Variants in CSRNP2 observed in about 807,000 individuals in gnomAD.
CSRNP2 encodes cysteine and serine rich nuclear protein 2.
A neutral mutation model predicts 36.6 loss-of-function variants in CSRNP2; 11 were observed. That is an observed-to-expected ratio of 0.30 (90% CI 0.19 to 0.50). CSRNP2 has a LOEUF of 0.50. CSRNP2 is among the 20% of genes least tolerant of loss of function. CSRNP2 has a pLI of 0.98. For missense variants in CSRNP2, 483 were observed against 691.4 expected, an observed-to-expected ratio of 0.70 and a Z score of 3.38; for synonymous variants, 248 against 275.3, an observed-to-expected ratio of 0.90 and a Z score of 0.98.
intron 1 of CSRNP2, among the ~76,000 whole-genome samples, chr12:51,077,291 A>G (rs961039932): frequency 3.9e-5 from 6 of 152,156 alleles, no homozygotes; most frequent in Non-Finnish European, 8.8e-5. Context: ...GGCATTTCCC[A>G]AAGTGCGTGT....
At chr12:51,074,937 T>A (rs148657634) in intron 2 of CSRNP2, among the ~76,000 whole-genome samples, 21,740 of 151,638 alleles carry the variant, frequency 0.14, 2,069 homozygotes, top group East Asian at 0.53. Context: ...TGGTGGCACA[T>A]GCCTGTAGTC....
At chr12:51,069,017 C>T (rs1440217975) in intron 3 of CSRNP2, among the ~76,000 whole-genome samples, 1 of 152,144 alleles carries the variant, frequency 6.6e-6, no homozygotes, top group Non-Finnish European at 1.5e-5. Context: ...GCTCTGTCGC[C>T]CAGGCTGGAG....
intron 4 of CSRNP2, among the ~76,000 whole-genome samples, chr12:51,065,041 C>T (rs1315559354): frequency 6.6e-6 from 1 of 152,132 alleles, no homozygotes; most frequent in Non-Finnish European, 1.5e-5. Context: ...ATTTACGAGC[C>T]TCAGAGACTT....
chr12:51,067,800 C>G lies in CSRNP2; in HGVS notation c.581G>C (p.Arg194Pro). The change falls in exon 4 of 5, where the codon CGT becomes CCT. Residue 194 changes from arginine (R) to proline (P), a missense_variant. Transcript: ENST00000228515. The surrounding 1 kb of genome is among the most constrained non-coding windows in gnomAD (Gnocchi z 4.1). ...TTCTTGCTTCTCTTCAGCATCAATA[C>G]GGTGGACCCCAGAAGCCCTCAGCAG... ...RALLRASGVH[R>P]IDAEEKQELR... 1 of 1,614,228 alleles carries G rather than the reference C, an allele frequency of 6.2e-7. No individual in the cohort carries two copies. The highest frequency in any genetic ancestry group is 8.5e-7 in the Non-Finnish European group (1 of 1,180,028).
At position 51,067,470 on chromosome 12, in the gene CSRNP2, T is replaced by A. The variant is rs1938519424; in HGVS notation, c.708+203A>T. The stretch of plus-strand genomic sequence containing the variant: ...GATCCTCCTACCTCAGCCTCCCACA[T>A]AGCTAGGATTAGAGGTGTGAGCCAC... On this transcript the variant is annotated intron_variant, in intron 4 of 4. Coordinates refer to ENST00000228515, the MANE Select transcript of CSRNP2 (RefSeq NM_030809.3). This position sits in a 1 kb window ranked among gnomAD's most constrained non-coding sequence, Gnocchi z 4.1. 6.6e-6 allele frequency among the ~76,000 whole-genome samples: 1 copy of A among 151,512 alleles called. No homozygotes were observed. The highest frequency in any genetic ancestry group is 1.5e-5 in the Non-Finnish European group (1 of 67,824).
At position 51,064,369 on chromosome 12, in the gene CSRNP2, T is replaced by G. The variant is rs1276448689; in HGVS notation, c.1009A>C (p.Lys337Gln). 2 of 1,614,106 alleles carry G rather than the reference T, an allele frequency of 1.2e-6. No individual in the cohort carries two copies. The highest frequency in any genetic ancestry group is 8.5e-7 in the Non-Finnish European group (1 of 1,180,050). The change falls in exon 5 of 5, where the codon AAG becomes CAG. Residue 337 changes from lysine (K) to glutamine (Q), a missense_variant. Physicochemically the swap from Lys to Gln is moderately conservative, Grantham distance 53 (BLOSUM62 1). This residue lies in a region of CSRNP2 where 277 missense variants were observed against 323.6 expected (regional missense o/e 0.86). Transcript: ENST00000228515. Reference protein sequence around the residue: ...LQSAEELERLKAEEDSSGSSA... With the variant: ...LQSAEELERLQAEEDSSGSSA... ...GAGCCGCTGGAATCTTCTTCTGCCT[T>G]GAGCCGCTCCAGTTCCTCTGCACTC...
chr12:51,069,766 C>G (rs1462128332), intron 3 of CSRNP2, among the ~76,000 whole-genome samples: 2 of 150,276 alleles, frequency 1.3e-5, no homozygotes, highest in Admixed American at 1.3e-4. Flanking sequence ...AATCTCGGCT[C>G]ACTGCAAGCT....
chr12:51,069,762 G>C (rs1471537078), intron 3 of CSRNP2, among the ~76,000 whole-genome samples: 1 of 147,758 alleles, frequency 6.8e-6, no homozygotes, highest in Non-Finnish European at 1.5e-5. Flanking sequence ...CTGCAATCTC[G>C]GCTCACTGCA....
In CSRNP2 at chr12:51,063,484, C is replaced by T. The variant is rs944048463; in HGVS notation, c.*262G>A. 21 of 259,600 alleles carry T rather than the reference C, an allele frequency of 8.1e-5. No homozygotes were observed. The highest frequency in any genetic ancestry group is 4.4e-4 in the African/African-American group (20 of 45,222). The allele number at this position is 259,600 out of a possible 1,614,324, so 16.1% of individuals were successfully genotyped here. A position where few individuals can be genotyped will look rare whatever the true frequency, so the allele number is the denominator to read the frequency against. ...CCTGTGAGATCCTAGTTCTTTGTTC[C>T]AGTGGCCCAGAAAGCTTAATGTTCA... is the stretch of plus-strand genomic sequence containing the variant. On this transcript the variant is annotated 3_prime_UTR_variant, in exon 5 of 5. Transcript: ENST00000228515.
At chr12:51,079,769 C>CAA (rs35767986) in intron 1 of CSRNP2, among the ~76,000 whole-genome samples, 13,028 of 35,274 alleles carry the variant, frequency 0.37, 3,830 homozygotes, top group Non-Finnish European at 0.45. Context: ...GAGACCTTGT[C>CAA]AAAAAAAAAA....
intron 1 of CSRNP2, among the ~76,000 whole-genome samples, chr12:51,080,148 GC>G (rs1939583168): frequency 2.2e-4 from 1 of 4,486 alleles, no homozygotes; most frequent in African/African-American, 3.1e-4. Flanking sequence ...AGGCAGGCAG[GC>G]AGGCAGGCAG....
chr12:51,068,362 G>C (rs12824225), intron 3 of CSRNP2, among the ~76,000 whole-genome samples: 23,210 of 152,066 alleles, frequency 0.15, 2,091 homozygotes, highest in South Asian at 0.26. Flanking sequence ...GTGTTGGCCA[G>C]GCTAGTCTTG....
At chr12:51,071,880 G>A (rs1302006265) in intron 3 of CSRNP2, among the ~76,000 whole-genome samples, 1 of 152,212 alleles carries the variant, frequency 6.6e-6, no homozygotes, top group Non-Finnish European at 1.5e-5. Context: ...CAGCTGGAAG[G>A]TGACAGGGTC....
chr12:51,080,454 C>G (rs1036757075), intron 1 of CSRNP2, among the ~76,000 whole-genome samples: 8 of 152,140 alleles, frequency 5.3e-5, no homozygotes, highest in Admixed American at 5.2e-4. Context: ...TTCTATTCTC[C>G]TCTTTTTCTG....
chr12:51,079,968 G>A (rs537717746), intron 1 of CSRNP2, among the ~76,000 whole-genome samples: 2 of 150,444 alleles, frequency 1.3e-5, no homozygotes, highest in East Asian at 3.9e-4. Context: ...AGCTACTCAG[G>A]AGGCTGAGGC....
chr12:51,064,409 T>C lies in CSRNP2; in HGVS notation c.969A>G (p.Ala323=). The C allele has an allele frequency of 6.2e-7, 1 of 1,613,792 alleles. No homozygotes were observed. The highest frequency in any genetic ancestry group is 8.5e-7 in the Non-Finnish European group (1 of 1,179,786). ...FQEFIAENET[A]VMHLQSAEEL... is the part of the protein sequence containing the mutation. ...CCTCTGCACTCTGCAGGTGCATCAC[T>C]GCTGTCTCATTCTCAGCAATGAACT... is the stretch of plus-strand genomic sequence containing the variant. The change falls in exon 5 of 5, where the codon GCA becomes GCG. Residue 323 remains alanine, a synonymous_variant. Coordinates refer to ENST00000228515, the MANE Select transcript of CSRNP2 (RefSeq NM_030809.3).
At chr12:51,081,015 T>C (rs1939618917) in intron 1 of CSRNP2, among the ~76,000 whole-genome samples, 1 of 152,138 alleles carries the variant, frequency 6.6e-6, no homozygotes, top group Non-Finnish European at 1.5e-5. Context: ...TGGCCCGGCA[T>C]GGTGGCACAT....
chr12:51,076,629 A>G lies in CSRNP2; in HGVS notation c.-68T>C. On this transcript the variant is annotated 5_prime_UTR_variant, in exon 2 of 5. Transcript: ENST00000228515. ...CCAAAGCCCCTACTCACCACCAGCT[A>G]GCCAGGTACATTAGGATTCTGCCCA... 1 of 1,574,496 alleles carries G rather than the reference A, an allele frequency of 6.4e-7. No individual in the cohort carries two copies. Among genetic ancestry groups the G allele is most frequent in the Non-Finnish European group, 8.7e-7 (1 of 1,147,224 alleles).
At chr12:51,071,338 T>G (rs1305047428) in intron 3 of CSRNP2, among the ~76,000 whole-genome samples, 1 of 148,738 alleles carries the variant, frequency 6.7e-6, no homozygotes, top group Non-Finnish European at 1.5e-5. Context: ...TTTGGGAGGC[T>G]AAGGCAGGAG....
Sources: gnomAD v4.1 joint callset for allele counts (sites outside exome capture counted in the v4.1 genomes callset) on GRCh38, gnomAD v4.1.1 for gene constraint, gnomAD v4.1.1 regional missense constraint, Gnocchi (gnomAD v3.1) non-coding constraint, MANE v1.5 for transcripts, NCBI Gene and HGNC (gene_info 2026-07-23, HGNC 2026-07-21) for gene names.